The following P2RX5 variants were observed in gnomAD, a reference collection of about 807,000 sequenced individuals.
P2RX5 encodes the protein P2X purinoceptor 5.
Under a neutral mutation model 54.1 loss-of-function variants are expected in P2RX5, and 46 were observed. The ratio of observed to expected loss-of-function variants is 0.85; its 90% CI spans 0.67 to 1.09. The LOEUF (loss-of-function observed/expected upper bound fraction) is 1.09. Among genes scored for constraint, P2RX5 ranks in the 50% least tolerant of loss-of-function variants. P2RX5 has a pLI of 0.00. For synonymous variants in P2RX5, 226 were observed against 226.4 expected (o/e 1.00, Z 0.02); for missense variants, 566 against 549.8 (o/e 1.03, Z -0.29).
rs186435346 is a variant in P2RX5 at position 3,676,339 on chromosome 17, G to A, written c.1260-2462C>T. On this transcript the variant is annotated intron_variant, in intron 11 of 11. Coordinates refer to ENST00000225328, the MANE Select transcript of P2RX5 (RefSeq NM_002561.4). Reference sequence around the variant, plus strand: ...AGAAGTTCATTACCTGAGTGAATGTGTAAGAAACCACACGAGTTTTCGGCA... The same window carrying A: ...AGAAGTTCATTACCTGAGTGAATGTATAAGAAACCACACGAGTTTTCGGCA... 1.1e-5 allele frequency: 11 copies of A among 985,442 alleles called. No individual in the cohort carries two copies. The African/African-American group carries it at 1.7e-4, about 16-fold the overall frequency. 61.0% of individuals were successfully genotyped at this position (985,442 alleles called of 1,614,324 possible).
At chr17:3,711,305 C>T in the P2RX5 span, among the ~76,000 whole-genome samples, 7 of 148,970 alleles carry the variant, frequency 4.7e-5, no homozygotes, top group African/African-American at 7.6e-5. Flanking sequence ...AAATTGGCCA[C>T]GTTATTTAGA....
chr17:3,702,093 G>T, the P2RX5 span, among the ~76,000 whole-genome samples: 1 of 152,084 alleles, frequency 6.6e-6, no homozygotes, highest in Admixed American at 6.6e-5. Context: ...GTGAAGACTT[G>T]GAGAGCTTTT....
At chr17:3,680,002 G>T (rs1223034976) in intron 10 of P2RX5, among the ~76,000 whole-genome samples, 1 of 51,960 alleles carries the variant, frequency 1.9e-5, no homozygotes, top group Non-Finnish European at 4.0e-5. Flanking sequence ...CTTCCTCCAC[G>T]TGGCGTCCTC....
chr17:3,677,648 G>A (rs1035912402), intron 11 of P2RX5: 1 of 985,184 alleles, frequency 1.0e-6, no homozygotes, highest in Non-Finnish European at 1.2e-6. Flanking sequence ...TGTCTCTGTT[G>A]GCTTTGGAGG....
At chr17:3,720,272 C>T in the P2RX5 span, 1 of 1,009,828 alleles carries the variant, frequency 9.9e-7, no homozygotes, top group Non-Finnish European at 1.6e-6. Context: ...GCACAATTTT[C>T]CTTGGGCACT....
At chr17:3,679,234 A>T (rs1460407215) in intron 11 of P2RX5, among the ~76,000 whole-genome samples, 2 of 152,216 alleles carry the variant, frequency 1.3e-5, no homozygotes, top group Non-Finnish European at 2.9e-5. Flanking sequence ...AAAATGGGGA[A>T]GATCGGTGTC....
At chr17:3,684,319 A>G (rs979702786) in intron 9 of P2RX5, among the ~76,000 whole-genome samples, 3 of 152,208 alleles carry the variant, frequency 2.0e-5, no homozygotes, top group African/African-American at 7.2e-5. Flanking sequence ...ACATCCTACA[A>G]TGGGCTGGGC....
Position 3,673,441 on chromosome 17 carries a change from G to C in P2RX5, c.*427C>G, listed in dbSNP as rs2050027412. The C allele has an allele frequency of 3.7e-6, 4 of 1,088,180 alleles. No homozygotes were observed. The highest frequency in any genetic ancestry group is 3.4e-6 in the Non-Finnish European group (3 of 890,794). 67.4% of individuals were successfully genotyped at this position (1,088,180 alleles called of 1,614,324 possible). The stretch of plus-strand genomic sequence containing the variant: ...TCTGAGGGAAGCTGCGGCACTTGCA[G>C]AGGGGAGTGGGCTGGAACCAAATGG... On this transcript the variant is annotated 3_prime_UTR_variant, in exon 12 of 12. Transcript: ENST00000225328.
At chr17:3,704,895 A>C in the P2RX5 span, among the ~76,000 whole-genome samples, 1 of 152,176 alleles carries the variant, frequency 6.6e-6, no homozygotes, top group African/African-American at 2.4e-5. Flanking sequence ...AATCCCAGCT[A>C]CTCGGGAGGC....
chr17:3,690,923 AC>A, intron 3 of P2RX5, 32 bp downstream of exon 3: 1 of 1,588,072 alleles, frequency 6.3e-7, no homozygotes, highest in East Asian at 2.2e-5. Flanking sequence ...TGGCTCTCCC[AC>A]CCCCACGCCA....
chr17:3,690,153 G>A lies in P2RX5; in HGVS notation c.534-3C>T, dbSNP rs1368688906. On this transcript the variant is annotated splice_region_variant and splice_polypyrimidine_tract_variant and intron_variant, in intron 5 of 11. Coordinates refer to ENST00000225328, the MANE Select transcript of P2RX5 (RefSeq NM_002561.4). ...CGGCCTCCTTCAGGAATGGCTCCCT[G>A]AAAACCAACCCAGAACAGCCTGTCC... The A allele has an allele frequency of 1.2e-6, 2 of 1,613,870 alleles. No individual in the cohort carries two copies. Among genetic ancestry groups the A allele is most frequent in the Middle Eastern group, 1.6e-4 (1 of 6,084 alleles).
the P2RX5 span, among the ~76,000 whole-genome samples, chr17:3,703,185 G>A: frequency 2.0e-5 from 3 of 152,100 alleles, no homozygotes; most frequent in Non-Finnish European, 4.4e-5. Context: ...AGAGACAGGG[G>A]AATTACTCCT....
At chr17:3,696,465 T>G (rs769084039), upstream of P2RX5, 7 of 152,314 alleles carry the variant, frequency 4.6e-5, no homozygotes, top group Admixed American at 4.6e-4. Flanking sequence ...ATTTATTCAT[T>G]TATTTTTGAG....
chr17:3,703,839 G>A, the P2RX5 span, among the ~76,000 whole-genome samples: 2 of 152,150 alleles, frequency 1.3e-5, no homozygotes, highest in Non-Finnish European at 2.9e-5. Context: ...GGTGGCTCAC[G>A]CCTGTAATCC....
At position 3,681,927 on chromosome 17, in the gene P2RX5, ACT is replaced by A. The variant is rs774891978; in HGVS notation, c.1031_1032del (p.Glu344ValfsTer4). The A allele has an allele frequency of 6.2e-6, 10 of 1,613,574 alleles. No homozygotes were observed. The highest frequency in any genetic ancestry group is 2.2e-5 in the South Asian group (2 of 91,064). On this transcript the variant is annotated frameshift_variant, in exon 10 of 12. Transcript: ENST00000225328. LOFTEE classifies it high-confidence loss of function. ...TCCTCGTACTTCTTGTCACGGTAAA[ACT>A]CTCTCTTTTTGATGAGGTAGATGAG... ...LVLIYLIKKR[E>X]FYRDKKYEEV...
At chr17:3,702,779 G>A in the P2RX5 span, among the ~76,000 whole-genome samples, 1 of 152,208 alleles carries the variant, frequency 6.6e-6, no homozygotes, top group Non-Finnish European at 1.5e-5. Context: ...CCCACCGGAA[G>A]GAACCAGTTC....
At chr17:3,678,212 G>T in intron 11 of P2RX5, 1 of 454,944 alleles carries the variant, frequency 2.2e-6, no homozygotes, top group Non-Finnish European at 2.9e-6. Context: ...CCTCACCAGA[G>T]GCAGCAACGC....
intron 1 of P2RX5, 107 bp downstream of exon 1, chr17:3,695,762 G>A (rs568685586): frequency 2.8e-6 from 4 of 1,425,518 alleles, no homozygotes; most frequent in South Asian, 1.2e-5. Context: ...CAGCTACCGG[G>A]AAAACCGCGT....
chr17:3,699,892 AGGAAGGAAGGAAGGAAGGAAG>A (rs1567744344), upstream of P2RX5, among the ~76,000 whole-genome samples: 11 of 33,108 alleles, frequency 3.3e-4, no homozygotes, highest in East Asian at 6.7e-3. Context: ...GAAGGAAGGA[AGGAAGGAAGGAAGGAAGGAAG>A]GAAGGAAAGA....
Sources: allele counts gnomAD v4.1 joint callset (sites outside exome capture counted in the v4.1 genomes callset), GRCh38; gene constraint gnomAD v4.1.1; transcripts MANE v1.5; gene names NCBI Gene and HGNC (gene_info 2026-07-23, HGNC 2026-07-21).